Variants in STK33 observed in about 807,000 individuals in gnomAD.
The protein encoded by STK33 is serine/threonine kinase 33, also known as serine/threonine-protein kinase 33.
A neutral mutation model predicts 58.0 loss-of-function variants in STK33; 52 were observed. That is an observed-to-expected ratio of 0.90 (90% CI 0.72 to 1.13). STK33 has a LOEUF of 1.13. STK33 is among the 50% of genes most tolerant of loss of function. The pLI is 0.00. For missense variants in STK33, 630 were observed against 604.2 expected (o/e 1.04, Z -0.45); for synonymous variants, 215 against 200.1 (o/e 1.07, Z -0.63).
intron 1 of STK33, among the ~76,000 whole-genome samples, chr11:8,579,068 C>T (rs1166687538): frequency 6.6e-6 from 1 of 151,972 alleles, no homozygotes; most frequent in Non-Finnish European, 1.5e-5. Flanking sequence ...TCACCAATTC[C>T]TTTTTCTTTT....
rs57268182 is a variant in STK33 at position 8,520,015 on chromosome 11, C to G, written c.-465-39401G>C. 3.7e-3 allele frequency among the ~76,000 whole-genome samples: 558 copies of G among 152,258 alleles called. 5 individuals are homozygous for G. Among genetic ancestry groups the G allele is most frequent in the African/African-American group, 0.013 (520 of 41,516 alleles). On this transcript the variant is annotated intron_variant, in intron 1 of 15. Coordinates refer to ENST00000687296, the MANE Select transcript of STK33 (RefSeq NM_001352389.2). ...TTATGAGGCCAGCATCATCCTGATACCAAAGCCTGGCAGAGACACAACAAA... is the reference window on the plus strand; with the variant it reads ...TTATGAGGCCAGCATCATCCTGATAGCAAAGCCTGGCAGAGACACAACAAA...
At chr11:8,498,517 G>C (rs1292905969) in intron 1 of STK33, among the ~76,000 whole-genome samples, 1 of 152,118 alleles carries the variant, frequency 6.6e-6, no homozygotes, top group Non-Finnish European at 1.5e-5. Flanking sequence ...ACTGCCCAAA[G>C]TAATTTATAG....
In STK33 at chr11:8,413,549, G is replaced by A; in HGVS notation, c.1290C>T (p.Pro430=). 1 of 1,614,008 alleles carries A rather than the reference G, an allele frequency of 6.2e-7. No homozygotes were observed. Among genetic ancestry groups the A allele is most frequent in the Non-Finnish European group, 8.5e-7 (1 of 1,179,944 alleles). ...STEEKLKSYQ[P]WGNVPDANYT... is the part of the protein sequence containing the mutation. ...AATTGGCATCAGGGACATTTCCCCA[G>A]GGTTGGTAACTTTTCAACTTTTCTT... The change falls in exon 15 of 16, where the codon CCC becomes CCT. Residue 430 remains proline, a synonymous_variant. Transcript: ENST00000687296.
At chr11:8,593,691 A>T (rs2032973738) in intron 1 of STK33, 1 of 152,090 alleles carries the variant, frequency 6.6e-6, no homozygotes, top group African/African-American at 2.4e-5. Context: ...CTAGCAGTTT[A>T]AAAAAAAGAA....
chr11:8,408,774 A>G (rs995717291), intron 15 of STK33, among the ~76,000 whole-genome samples: 1 of 152,272 alleles, frequency 6.6e-6, no homozygotes, highest in South Asian at 2.1e-4. Context: ...CACAACCAGC[A>G]AAAGGAAAAG....
chr11:8,391,016 C>T (rs1209943148), downstream of STK33, among the ~76,000 whole-genome samples: 3 of 152,194 alleles, frequency 2.0e-5, no homozygotes, highest in Non-Finnish European at 2.9e-5. Context: ...AGCCACCGTG[C>T]ACTAGGTCCC....
intron 1 of STK33, among the ~76,000 whole-genome samples, chr11:8,561,259 G>C (rs1173520361): frequency 1.3e-5 from 2 of 152,050 alleles, no homozygotes; most frequent in Non-Finnish European, 2.9e-5. Flanking sequence ...GAGAATATTG[G>C]TTGTTATCTT....
the STK33 span, among the ~76,000 whole-genome samples, chr11:8,378,376 G>C: frequency 6.6e-6 from 1 of 152,128 alleles, no homozygotes; most frequent in Non-Finnish European, 1.5e-5. Flanking sequence ...AAATTAGCTG[G>C]GCATGGTGGT....
chr11:8,593,843 C>G (rs1416968614), intron 1 of STK33: 1 of 152,432 alleles, frequency 6.6e-6, no homozygotes, highest in Non-Finnish European at 1.5e-5. Context: ...AGAGACCACC[C>G]CAAATACCGG....
At chr11:8,424,418 T>C (rs1292035793) in intron 14 of STK33, among the ~76,000 whole-genome samples, 1 of 150,144 alleles carries the variant, frequency 6.7e-6, no homozygotes, top group Non-Finnish European at 1.5e-5. Flanking sequence ...TTCCAAGTCT[T>C]TGCTATTGTG....
At chr11:8,367,993 G>A in the STK33 span, among the ~76,000 whole-genome samples, 1 of 152,262 alleles carries the variant, frequency 6.6e-6, no homozygotes, top group South Asian at 2.1e-4. Context: ...TGGGGTGGTG[G>A]AGCAGGAGGG....
chr11:8,557,248 GGGGAA>G (rs1554999693), intron 1 of STK33, among the ~76,000 whole-genome samples: 2 of 41,190 alleles, frequency 4.9e-5, no homozygotes, highest in African/African-American at 9.7e-5. Context: ...GGGACCTTGT[GGGGAA>G]GGGAAGGGGA....
At chr11:8,354,937 C>A in the STK33 span, among the ~76,000 whole-genome samples, 6 of 152,258 alleles carry the variant, frequency 3.9e-5, no homozygotes, top group African/African-American at 1.4e-4. Context: ...GAGAAGCCAG[C>A]CAGGCGCAGC....
rs76454375 is a variant in STK33 at position 8,586,888 on chromosome 11, C to T, written c.-466+7195G>A. Reference sequence around the variant, plus strand: ...TTCCCTCCACAACAGATTATGAGCTCGACATGGAGTGTATCTTTTTATCTT... The same window carrying T: ...TTCCCTCCACAACAGATTATGAGCTTGACATGGAGTGTATCTTTTTATCTT... On this transcript the variant is annotated intron_variant, in intron 1 of 15. Coordinates refer to ENST00000687296, the MANE Select transcript of STK33 (RefSeq NM_001352389.2). 6.5e-3 allele frequency among the ~76,000 whole-genome samples: 985 copies of T among 150,544 alleles called. 11 individuals carry two copies. The highest frequency in any genetic ancestry group is 0.023 in the African/African-American group (937 of 40,912).
At position 8,420,979 on chromosome 11, in the gene STK33, T is replaced by A. The variant is rs574822652; in HGVS notation, c.1147-7287A>T. ...GCCTGGGTAACAGAGCAAGGCCCTG[T>A]CTGAAAAAAAAAAAGGGGAGGGGGG... On this transcript the variant is annotated intron_variant, in intron 14 of 15. Coordinates refer to ENST00000687296, the MANE Select transcript of STK33 (RefSeq NM_001352389.2). 4.7e-5 allele frequency among the ~76,000 whole-genome samples: 7 copies of A among 148,920 alleles called. No homozygotes were observed. In the East Asian group the frequency reaches 1.4e-3, roughly 30 times the overall value.
chr11:8,406,082 G>A (rs1373955024), intron 15 of STK33, among the ~76,000 whole-genome samples: 2 of 146,578 alleles, frequency 1.4e-5, no homozygotes, highest in Non-Finnish European at 3.0e-5. Flanking sequence ...GGCGGAGCTT[G>A]CAGTGAGCCG....
chr11:8,414,754 C>A (rs930771940), intron 14 of STK33, among the ~76,000 whole-genome samples: 1 of 152,154 alleles, frequency 6.6e-6, no homozygotes, highest in Non-Finnish European at 1.5e-5. Flanking sequence ...AGTACTCCTA[C>A]CACGTTCATA....
chr11:8,527,700 A>G (rs1954171886), intron 1 of STK33, among the ~76,000 whole-genome samples: 1 of 152,154 alleles, frequency 6.6e-6, no homozygotes, highest in South Asian at 2.1e-4. Context: ...AAATTATTAT[A>G]TCTAAGAAGA....
chr11:8,519,643 A>C (rs1953192710), intron 1 of STK33, among the ~76,000 whole-genome samples: 1 of 152,204 alleles, frequency 6.6e-6, no homozygotes, highest in Admixed American at 6.5e-5. Flanking sequence ...AGACACAATA[A>C]AAAATGATAA....
Sources: gnomAD v4.1 joint callset for allele counts (sites outside exome capture counted in the v4.1 genomes callset) on GRCh38, gnomAD v4.1.1 for gene constraint, MANE v1.5 for transcripts, NCBI Gene and HGNC (gene_info 2026-07-23, HGNC 2026-07-21) for gene names.